Variants in TENM3 observed in about 807,000 individuals in gnomAD.
TENM3 encodes teneurin transmembrane protein 3, also known as teneurin-3.
Under a neutral mutation model 255.1 loss-of-function variants are expected in TENM3, and 63 were observed. The ratio of observed to expected loss-of-function variants is 0.25; its 90% CI spans 0.20 to 0.30. The LOEUF is 0.30. Among genes scored for constraint, TENM3 ranks in the 10% least tolerant of loss-of-function variants. The pLI is 1.00. For missense variants in TENM3, 2,929 were observed against 3,461.1 expected, an observed-to-expected ratio of 0.85 and a Z score of 3.86; for synonymous variants, 1,306 against 1,322.3, an observed-to-expected ratio of 0.99 and a Z score of 0.27.
Position 182,244,998 on chromosome 4 carries a change from A to G in TENM3, c.-76+1522A>G, listed in dbSNP as rs558479193. 3.9e-5 allele frequency among the ~76,000 whole-genome samples: 6 copies of G among 152,320 alleles called. No individual in the cohort carries two copies. In the South Asian group the frequency reaches 1.2e-3, roughly 32 times the overall value. Reference sequence around the variant, plus strand: ...ATTCCATAATCAATGAATGCTTTTAATCCTCTGCAGTGATACTTTCTAGTG... The same window carrying G: ...ATTCCATAATCAATGAATGCTTTTAGTCCTCTGCAGTGATACTTTCTAGTG... On this transcript the variant is annotated intron_variant, in intron 1 of 27. Transcript: ENST00000511685.
In TENM3 at chr4:182,792,250, T is replaced by C; in HGVS notation, c.5602-24T>C. The C allele has an allele frequency of 6.3e-7, 1 of 1,594,198 alleles. No individual in the cohort carries two copies. Among genetic ancestry groups the C allele is most frequent in the Non-Finnish European group, 8.6e-7 (1 of 1,166,142 alleles). ...GCATCTCCCGTTCACAAACACTGAG[T>C]AACAGTATGTTCTCTCTTTACAGTC... On this transcript the variant is annotated intron_variant, in intron 25 of 27. Coordinates refer to ENST00000511685, the MANE Select transcript of TENM3 (RefSeq NM_001080477.4). The surrounding 1 kb of genome is among the most constrained non-coding windows in gnomAD (Gnocchi z 6.3).
intron 3 of TENM3, among the ~76,000 whole-genome samples, chr4:182,431,028 TAAATAAATAAAC>T (rs941973781): frequency 3.4e-5 from 3 of 87,876 alleles, no homozygotes; most frequent in African/African-American, 1.4e-4. Context: ...AATAAATAAA[TAAATAAATAAAC>T]AAACAAACAA....
intron 2 of TENM3, among the ~76,000 whole-genome samples, chr4:182,343,656 C>T (rs1259308519): frequency 6.6e-6 from 1 of 151,598 alleles, no homozygotes; most frequent in Non-Finnish European, 1.5e-5. Flanking sequence ...TCCCGCCCTC[C>T]TCCACACCGC....
rs1298832954 is a variant in TENM3, at chr4:182,323,943, CAGAG to C, written c.-75_-72del. On this transcript the variant is annotated splice_acceptor_variant and 5_prime_UTR_variant, in exon 2 of 28. Transcript: ENST00000511685. LOFTEE classifies it low-confidence loss of function (5UTR_SPLICE). Reference sequence around the variant, plus strand: ...ACCTCATGCAAACCTTGTATCTTCACAGAGAGGCCAATGAGACTTGAACCCTGAG... The same window carrying C: ...ACCTCATGCAAACCTTGTATCTTCACAGGCCAATGAGACTTGAACCCTGAG... 2.4e-6 allele frequency: 3 copies of C among 1,270,882 alleles called. No individual in the cohort carries two copies. The African/African-American group carries it at 4.4e-5, about 19-fold the overall frequency. 78.7% of individuals were successfully genotyped at this position (1,270,882 alleles called of 1,614,324 possible). A position where few individuals can be genotyped will look rare whatever the true frequency, so the allele number is the denominator to read the frequency against.
the TENM3 span, among the ~76,000 whole-genome samples, chr4:181,656,640 A>G: frequency 1.3e-5 from 2 of 152,180 alleles, no homozygotes; most frequent in South Asian, 4.1e-4. Context: ...TGTTTAGGAG[A>G]CAACAAGGAA....
chr4:181,540,130 A>C, the TENM3 span, among the ~76,000 whole-genome samples: 1 of 152,160 alleles, frequency 6.6e-6, no homozygotes, highest in Non-Finnish European at 1.5e-5. Context: ...ATACAAAGAC[A>C]GAACAGACGC....
At chr4:182,299,820 A>G (rs1260808360) in intron 1 of TENM3, among the ~76,000 whole-genome samples, 1 of 151,788 alleles carries the variant, frequency 6.6e-6, no homozygotes, top group Admixed American at 6.6e-5. Flanking sequence ...CCAGTGTGCT[A>G]TTAGGATGTG....
the TENM3 span, among the ~76,000 whole-genome samples, chr4:181,561,392 G>C: frequency 6.6e-6 from 1 of 152,048 alleles, no homozygotes; most frequent in Non-Finnish European, 1.5e-5. Context: ...AGTGCATGTA[G>C]CCTTATTTTT....
the TENM3 span, among the ~76,000 whole-genome samples, chr4:181,577,211 T>TA: frequency 3.5e-3 from 391 of 112,560 alleles, 2 homozygotes; most frequent in African/African-American, 0.011. Flanking sequence ...ATATATATAT[T>TA]TTTTTTTTAA....
chr4:182,108,452 A>G, the TENM3 span, among the ~76,000 whole-genome samples: 2 of 152,228 alleles, frequency 1.3e-5, no homozygotes, highest in Non-Finnish European at 1.5e-5. Context: ...CTTGGGAAAT[A>G]TAACATTCTT....
the TENM3 span, among the ~76,000 whole-genome samples, chr4:181,464,345 T>C: frequency 6.6e-6 from 1 of 152,220 alleles, no homozygotes; most frequent in African/African-American, 2.4e-5. Context: ...TTAGCCATTC[T>C]GGTGGGTATG....
rs575148806 is a variant in TENM3 at position 182,690,282 on chromosome 4, C to T, written c.2221+1931C>T. ...GGCTCGTCCCCACTGATGTGGCTTT[C>T]CCCTCCCAAAGAGGCTTTGTAGGGC... On this transcript the variant is annotated intron_variant, in intron 12 of 27. Coordinates refer to ENST00000511685, the MANE Select transcript of TENM3 (RefSeq NM_001080477.4). Among the ~76,000 whole-genome samples the T allele has an allele frequency of 6.8e-4, 103 of 152,312 alleles. 3 individuals are homozygous for T. The South Asian group carries it at 0.02, about 30-fold the overall frequency.
the TENM3 span, among the ~76,000 whole-genome samples, chr4:181,752,113 G>C: frequency 3.9e-5 from 6 of 152,086 alleles, no homozygotes; most frequent in Admixed American, 3.9e-4. Context: ...TTTTATAAAG[G>C]CCATTGCTTT....
the TENM3 span, among the ~76,000 whole-genome samples, chr4:181,872,686 AT>A: frequency 6.6e-6 from 1 of 151,948 alleles, no homozygotes; most frequent in Non-Finnish European, 1.5e-5. Flanking sequence ...TTGTTTTCAG[AT>A]TTTTTTCTTG....
chr4:181,519,585 G>A, the TENM3 span, among the ~76,000 whole-genome samples: 13 of 152,296 alleles, frequency 8.5e-5, no homozygotes, highest in African/African-American at 2.9e-4. Flanking sequence ...GCATAATTAT[G>A]TTGGATTAGA....
At chr4:182,557,545 A>G (rs1009841200) in intron 3 of TENM3, among the ~76,000 whole-genome samples, 1 of 152,216 alleles carries the variant, frequency 6.6e-6, no homozygotes, top group Non-Finnish European at 1.5e-5. Flanking sequence ...GCAAGATCCT[A>G]TCAATCCATG....
At chr4:181,974,761 C>A in the TENM3 span, among the ~76,000 whole-genome samples, 2 of 152,290 alleles carry the variant, frequency 1.3e-5, no homozygotes, top group East Asian at 3.9e-4. Flanking sequence ...CTGATATGAT[C>A]TTACTTCTTC....
chr4:181,906,113 G>T, the TENM3 span: 29 of 297,812 alleles, frequency 9.7e-5, no homozygotes, highest in Non-Finnish European at 1.6e-4. Context: ...TGGATAAAAT[G>T]GCAGGCAGGG....
the TENM3 span, among the ~76,000 whole-genome samples, chr4:181,578,504 G>A: frequency 1.3e-5 from 2 of 152,188 alleles, no homozygotes; most frequent in Non-Finnish European, 2.9e-5. Flanking sequence ...ACTGCCCGCT[G>A]CGGAGAGGCA....
Sources: gnomAD v4.1 joint callset for allele counts (sites outside exome capture counted in the v4.1 genomes callset) on GRCh38, gnomAD v4.1.1 for gene constraint, Gnocchi (gnomAD v3.1) non-coding constraint, MANE v1.5 for transcripts, NCBI Gene and HGNC (gene_info 2026-07-23, HGNC 2026-07-21) for gene names.